The following DENND6B variants were observed in gnomAD, a reference collection of about 807,000 sequenced individuals.
DENND6B encodes protein DENND6B.
DENND6B carries 73 observed loss-of-function variants against 85.1 expected under a neutral mutation model. That is an observed-to-expected ratio of 0.86 (90% CI 0.71 to 1.04). The LOEUF (loss-of-function observed/expected upper bound fraction) is 1.04. DENND6B is among the 50% of genes least tolerant of loss of function. The pLI is 0.00. For synonymous variants in DENND6B, 357 were observed against 329.3 expected (o/e 1.08, Z -0.91); for missense variants, 715 against 785.8 (o/e 0.91, Z 1.08).
intron 1 of DENND6B, among the ~76,000 whole-genome samples, chr22:50,325,329 ACCT>A (rs1237038137): frequency 2.2e-5 from 3 of 139,062 alleles, no homozygotes; most frequent in Non-Finnish European, 4.6e-5. Context: ...GAACAGAGGA[ACCT>A]CCTTTTTTTT....
At chr22:50,318,794 A>G (rs2041941761) in intron 3 of DENND6B, 53 bp downstream of exon 3, 2 of 1,605,128 alleles carry the variant, frequency 1.2e-6, no homozygotes, top group South Asian at 1.1e-5. Flanking sequence ...CCCAGGCTAC[A>G]GGGATGCCCA....
At chr22:50,323,048 T>TTC (rs71198241) in intron 1 of DENND6B, among the ~76,000 whole-genome samples, 3 of 134,166 alleles carry the variant, frequency 2.2e-5, no homozygotes, top group South Asian at 2.4e-4. Context: ...TTTTTTTTTT[T>TTC]AGTAGAGACG....
intron 1 of DENND6B, chr22:50,319,225 C>T (rs78477728): frequency 0.045 from 66,336 of 1,465,608 alleles, 1,711 homozygotes; most frequent in East Asian, 0.1. Context: ...GCTGCATCCT[C>T]CCCACACCAC....
chr22:50,315,704 G>C lies in DENND6B; in HGVS notation c.758+10C>G. 3.8e-6 allele frequency: 6 copies of C among 1,567,674 alleles called. No individual in the cohort carries two copies. The highest frequency in any genetic ancestry group is 5.2e-6 in the Non-Finnish European group (6 of 1,158,012). On this transcript the variant is annotated intron_variant, in intron 9 of 19. Transcript: ENST00000413817. Reference sequence around the variant, plus strand: ...CTCAAAAGCAGTGTGCAGAACCCTAGGGGGCTCACCTGAACAGGTCCAGCT... The same window carrying C: ...CTCAAAAGCAGTGTGCAGAACCCTACGGGGCTCACCTGAACAGGTCCAGCT...
intron 1 of DENND6B, among the ~76,000 whole-genome samples, chr22:50,323,719 G>GC (rs1374392015): frequency 3.6e-5 from 3 of 83,140 alleles, no homozygotes; most frequent in African/African-American, 4.7e-5. Flanking sequence ...AGCACGCCTA[G>GC]CCTTTTTTTT....
chr22:50,323,487 T>C (rs1219464897), intron 1 of DENND6B, among the ~76,000 whole-genome samples: 1 of 151,876 alleles, frequency 6.6e-6, no homozygotes, highest in Non-Finnish European at 1.5e-5. Flanking sequence ...GGTTTCACCA[T>C]GTTGCCCAGG....
rs777958799 is a variant in DENND6B, at chr22:50,317,279, G to A, written c.453+14C>T. ...GCTCTTGAGGTGCCAGCCCAGAGTG[G>A]CCAAGCAGCGCACCTTCTGGAAGTA... On this transcript the variant is annotated intron_variant, in intron 5 of 19. Coordinates refer to ENST00000413817, the MANE Select transcript of DENND6B (RefSeq NM_001001794.4). 1 of 1,612,166 alleles carries A rather than the reference G, an allele frequency of 6.2e-7. No individual in the cohort carries two copies. Among genetic ancestry groups the A allele is most frequent in the South Asian group, 1.1e-5 (1 of 91,066 alleles).
intron 1 of DENND6B, among the ~76,000 whole-genome samples, chr22:50,326,298 G>C: frequency 6.6e-6 from 1 of 152,260 alleles, no homozygotes; most frequent in East Asian, 1.9e-4. Flanking sequence ...GAACAAGGAG[G>C]CGCTGCAGGG....
At position 50,313,670 on chromosome 22, in the gene DENND6B, G is replaced by C; in HGVS notation, c.1258C>G (p.Leu420Val). Residue 420 changes from leucine to valine, a missense_variant, in exon 15 of 20, where the codon CTC becomes GTC. Coordinates refer to ENST00000413817, the MANE Select transcript of DENND6B (RefSeq NM_001001794.4). ...ATGAAGCTCTGGGTGAGCTCCAGGA[G>C]GTGCCGCCGCAGCAGGGCGCTCTGC... ...DVQSALLRRH[L>V]LELTQSFIIP... 2 of 1,597,802 alleles carry C rather than the reference G, an allele frequency of 1.3e-6. No individual in the cohort carries two copies. The highest frequency in any genetic ancestry group is 1.7e-6 in the Non-Finnish European group (2 of 1,174,412).
At chr22:50,319,801 C>T (rs1048164545) in intron 1 of DENND6B, among the ~76,000 whole-genome samples, 3 of 152,260 alleles carry the variant, frequency 2.0e-5, no homozygotes, top group African/African-American at 7.2e-5. Flanking sequence ...TTCACCCACC[C>T]TCCCCCTGCC....
Position 50,313,802 on chromosome 22 carries a change from C to T in DENND6B, c.1203+12G>A. 1 of 1,611,918 alleles carries T rather than the reference C, an allele frequency of 6.2e-7. No homozygotes were observed. Among genetic ancestry groups the T allele is most frequent in the Non-Finnish European group, 8.5e-7 (1 of 1,179,550 alleles). ...CCCTGCGTCCCCAGCCCCTGCCCCA[C>T]AAACCATATACCTTGAGCAGCCGTT... On this transcript the variant is annotated intron_variant, in intron 14 of 19. Coordinates refer to ENST00000413817, the MANE Select transcript of DENND6B (RefSeq NM_001001794.4).
intron 1 of DENND6B, chr22:50,319,529 G>A: frequency 1.0e-6 from 1 of 984,982 alleles, no homozygotes; most frequent in Non-Finnish European, 1.2e-6. Context: ...GGGACCCAGA[G>A]GCCCCCTCAC....
chr22:50,312,688 T>C, intron 17 of DENND6B, 63 bp from the exon 18 acceptor site: 1 of 1,053,294 alleles, frequency 9.5e-7, no homozygotes, highest in Non-Finnish European at 1.3e-6. Context: ...GCGGGGGCCA[T>C]GGGGCTGACC....
intron 13 of DENND6B, 99 bp downstream of exon 13, chr22:50,314,108 C>T (rs2147768651): frequency 1.4e-6 from 2 of 1,415,206 alleles, no homozygotes; most frequent in East Asian, 2.5e-5. Context: ...GGAAGAGGAT[C>T]AGGGGTCTGG....
intron 5 of DENND6B, chr22:50,316,841 C>A: frequency 9.9e-7 from 1 of 1,010,646 alleles, no homozygotes; most frequent in Non-Finnish European, 1.3e-6. Context: ...GACCCTCCAG[C>A]CATCAGTGAG....
chr22:50,319,831 T>C (rs534103280), intron 1 of DENND6B, among the ~76,000 whole-genome samples: 5 of 152,332 alleles, frequency 3.3e-5, no homozygotes, highest in African/African-American at 1.2e-4. Context: ...GCCCCACCTG[T>C]AGCGCCCAGC....
chr22:50,314,527 C>T (rs771238344), intron 11 of DENND6B, 33 bp from the exon 12 acceptor site: 23 of 1,554,278 alleles, frequency 1.5e-5, no homozygotes, highest in Non-Finnish European at 1.8e-5. Context: ...GAGGCAGAGA[C>T]AGAGGTCCAG....
chr22:50,318,949 G>T lies in DENND6B; in HGVS notation c.216+16C>A. 1 of 1,608,630 alleles carries T rather than the reference G, an allele frequency of 6.2e-7. No homozygotes were observed. The highest frequency in any genetic ancestry group is 8.5e-7 in the Non-Finnish European group (1 of 1,177,666). On this transcript the variant is annotated intron_variant, in intron 2 of 19. Coordinates refer to ENST00000413817, the MANE Select transcript of DENND6B (RefSeq NM_001001794.4). ...ACTCCTGGGTCCTGTCCATTCCCAA[G>T]AGGGCCGGGACTCACCTCCTTGTCT... is the stretch of plus-strand genomic sequence containing the variant.
In DENND6B at chr22:50,309,814, G is replaced by T. The variant is rs1273030152; in HGVS notation, c.*2325C>A. The T allele has an allele frequency of 6.6e-6, 1 of 152,354 alleles. No homozygotes were observed. Among genetic ancestry groups the T allele is most frequent in the Admixed American group, 6.5e-5 (1 of 15,292 alleles). 9.4% of individuals were successfully genotyped at this position (152,354 alleles called of 1,614,324 possible). The stretch of plus-strand genomic sequence containing the variant: ...AAGCCCCTCCCCTGCAGCCATGTGG[G>T]TCTGCAGCCCTCTGTGCTGTGCGGC... On this transcript the variant is annotated 3_prime_UTR_variant, in exon 20 of 20. Coordinates refer to ENST00000413817, the MANE Select transcript of DENND6B (RefSeq NM_001001794.4).
Sources: allele counts gnomAD v4.1 joint callset (sites outside exome capture counted in the v4.1 genomes callset), GRCh38; gene constraint gnomAD v4.1.1; transcripts MANE v1.5; gene names NCBI Gene and HGNC (gene_info 2026-07-23, HGNC 2026-07-21).